The following KSR2 variants were observed in gnomAD, a reference collection of about 807,000 sequenced individuals.
KSR2 encodes kinase suppressor of ras 2.
Under a neutral mutation model 107.8 loss-of-function variants are expected in KSR2, and 25 were observed. That is an observed-to-expected ratio of 0.23 (90% confidence interval 0.17 to 0.32). The LOEUF is 0.32. Among genes scored for constraint, KSR2 ranks in the 10% least tolerant of loss-of-function variants. The pLI, the probability that KSR2 is intolerant of heterozygous loss-of-function variation, is 1.00. For missense variants in KSR2, 887 were observed against 1,268.9 expected (o/e 0.70, Z 4.57); for synonymous variants, 480 against 507.0 (o/e 0.95, Z 0.71).
intron 4 of KSR2, among the ~76,000 whole-genome samples, chr12:117,718,426 C>G (rs904562074): frequency 6.6e-6 from 1 of 152,200 alleles, no homozygotes; most frequent in African/African-American, 2.4e-5. Flanking sequence ...GATTAATGGT[C>G]TTTAAATAAA....
chr12:117,942,990 T>C (rs1049736459), intron 1 of KSR2, among the ~76,000 whole-genome samples: 1 of 152,180 alleles, frequency 6.6e-6, no homozygotes, highest in African/African-American at 2.4e-5. Flanking sequence ...AAATATAGTT[T>C]TGACACTGAA....
intron 4 of KSR2, among the ~76,000 whole-genome samples, chr12:117,759,376 C>A (rs1490081196): frequency 6.6e-6 from 1 of 152,186 alleles, no homozygotes; most frequent in African/African-American, 2.4e-5. Flanking sequence ...GCAACAGAGA[C>A]TGAATGGTCT....
chr12:117,870,519 G>A (rs1266065670), intron 1 of KSR2, among the ~76,000 whole-genome samples: 1 of 152,050 alleles, frequency 6.6e-6, no homozygotes, highest in Non-Finnish European at 1.5e-5. Context: ...AGAATCGCTT[G>A]GATTTGGAGG....
chr12:117,707,002 ATGTATATATGTATGTG>A (rs1424307144), intron 4 of KSR2, among the ~76,000 whole-genome samples: 2 of 152,232 alleles, frequency 1.3e-5, no homozygotes. Context: ...CTATGCATGT[ATGTATATATGTATGTG>A]TATGTATATT....
intron 5 of KSR2, among the ~76,000 whole-genome samples, chr12:117,663,089 C>T (rs1239442762): frequency 6.6e-6 from 1 of 152,138 alleles, no homozygotes; most frequent in Non-Finnish European, 1.5e-5. Context: ...GACAAAGAGG[C>T]GTCCTTTGAG....
At chr12:117,756,641 A>G (rs904493751) in intron 4 of KSR2, among the ~76,000 whole-genome samples, 1 of 152,260 alleles carries the variant, frequency 6.6e-6, no homozygotes, top group Non-Finnish European at 1.5e-5. Flanking sequence ...TCCATTCTGC[A>G]GCCCATGGAT....
intron 1 of KSR2, among the ~76,000 whole-genome samples, chr12:117,947,242 A>AAAGG (rs1896224198): frequency 8.1e-6 from 1 of 123,920 alleles, no homozygotes; most frequent in African/African-American, 3.2e-5. Context: ...AGAAAGAAAG[A>AAAGG]AAGAAAGAAA....
chr12:117,735,363 C>T (rs900555084), intron 4 of KSR2, among the ~76,000 whole-genome samples: 8 of 152,272 alleles, frequency 5.3e-5, no homozygotes, highest in African/African-American at 1.7e-4. Flanking sequence ...AGAAGCCTGG[C>T]GCCTGCCAGT....
intron 7 of KSR2, among the ~76,000 whole-genome samples, chr12:117,564,035 G>A (rs138942625): frequency 0.018 from 2,801 of 151,956 alleles, 86 homozygotes; most frequent in African/African-American, 0.064. Context: ...GAGCATGAAC[G>A]TGGCCTTCCC....
intron 1 of KSR2, among the ~76,000 whole-genome samples, chr12:117,912,024 T>C (rs1895031672): frequency 1.3e-5 from 2 of 152,242 alleles, no homozygotes; most frequent in Non-Finnish European, 2.9e-5. Context: ...AGTGAAAACA[T>C]TGAAAACATA....
At chr12:117,806,667 A>G (rs1175736970) in intron 3 of KSR2, among the ~76,000 whole-genome samples, 1 of 151,966 alleles carries the variant, frequency 6.6e-6, no homozygotes, top group East Asian at 1.9e-4. Context: ...GTCACTCCCC[A>G]TGTCCCCTCC....
intron 4 of KSR2, among the ~76,000 whole-genome samples, chr12:117,715,091 A>G (rs542773527): frequency 6.6e-6 from 1 of 152,232 alleles, no homozygotes; most frequent in East Asian, 1.9e-4. Context: ...CTGGATACAT[A>G]AATTCTCATC....
intron 4 of KSR2, among the ~76,000 whole-genome samples, chr12:117,669,617 C>A (rs1406939650): frequency 1.3e-5 from 2 of 151,866 alleles, no homozygotes; most frequent in East Asian, 3.9e-4. Flanking sequence ...TCTATAATCC[C>A]AGCACTTTCG....
chr12:117,742,615 A>G (rs903226987), intron 4 of KSR2, among the ~76,000 whole-genome samples: 4 of 152,118 alleles, frequency 2.6e-5, no homozygotes, highest in Non-Finnish European at 5.9e-5. Flanking sequence ...AAATATTGAC[A>G]TTTGGGAATC....
At chr12:117,698,510 G>C (rs1426652631) in intron 4 of KSR2, among the ~76,000 whole-genome samples, 1 of 151,722 alleles carries the variant, frequency 6.6e-6, no homozygotes, top group Non-Finnish European at 1.5e-5. Context: ...ATTTTTTGTA[G>C]AGACAAGGTT....
chr12:117,960,633 T>C (rs1039917820), intron 1 of KSR2, among the ~76,000 whole-genome samples: 1 of 152,154 alleles, frequency 6.6e-6, no homozygotes, highest in African/African-American at 2.4e-5. Flanking sequence ...TCTGCAGAAC[T>C]GGCCAGCTGA....
intron 16 of KSR2, among the ~76,000 whole-genome samples, chr12:117,483,395 TA>T (rs558773625): frequency 8.0e-4 from 121 of 150,704 alleles, no homozygotes; most frequent in South Asian, 6.5e-3. Context: ...ATAAATAAAA[TA>T]AAAAAAAATC....
chr12:117,469,099 A>T (rs995133812), intron 19 of KSR2, among the ~76,000 whole-genome samples: 1 of 152,222 alleles, frequency 6.6e-6, no homozygotes, highest in African/African-American at 2.4e-5. Flanking sequence ...CACACTCATT[A>T]TCTCAGATAG....
chr12:117,782,832 A>G (rs1189711389), intron 3 of KSR2, among the ~76,000 whole-genome samples: 1 of 152,220 alleles, frequency 6.6e-6, no homozygotes. Context: ...AAAAAGAAGA[A>G]AACAGGAAAG....
Sources: allele counts gnomAD v4.1 joint callset (sites outside exome capture counted in the v4.1 genomes callset), GRCh38; gene constraint gnomAD v4.1.1; transcripts MANE v1.5; gene names NCBI Gene and HGNC (gene_info 2026-07-23, HGNC 2026-07-21).